The following SEMA5B variants were observed in gnomAD, a reference collection of about 807,000 sequenced individuals.
SEMA5B encodes semaphorin-5B.
A neutral mutation model predicts 135.0 loss-of-function variants in SEMA5B; 66 were observed. The observed-to-expected ratio is 0.49, with a 90% CI of 0.40 to 0.60. The LOEUF is 0.60. Among genes scored for constraint, SEMA5B ranks in the 20% least tolerant of loss-of-function variants. SEMA5B has a pLI of 0.00. For missense variants in SEMA5B, 1,501 were observed against 1,566.3 expected, an observed-to-expected ratio of 0.96 and a Z score of 0.70; for synonymous variants, 690 against 639.5, an observed-to-expected ratio of 1.08 and a Z score of -1.19.
intron 12 of SEMA5B, among the ~76,000 whole-genome samples, chr3:122,918,353 C>T (rs912987133): frequency 1.3e-5 from 2 of 152,170 alleles, no homozygotes; most frequent in Non-Finnish European, 2.9e-5. Flanking sequence ...CCTGGGCATC[C>T]TTTAAAAAGC....
intron 12 of SEMA5B, among the ~76,000 whole-genome samples, chr3:122,917,430 C>G (rs111592894): frequency 6.6e-6 from 1 of 152,124 alleles, no homozygotes; most frequent in Admixed American, 6.5e-5. Flanking sequence ...CAAGAACAAA[C>G]GAAGAGCTAA....
At chr3:122,939,386 G>A (rs768954065) in intron 5 of SEMA5B, 39 bp downstream of exon 5, 1 of 1,544,426 alleles carries the variant, frequency 6.5e-7, no homozygotes, top group Non-Finnish European at 9.0e-7. Flanking sequence ...TCTGGAATAG[G>A]GGAAATTATA....
At chr3:122,946,037 AAC>A (rs1939778678) in intron 3 of SEMA5B, among the ~76,000 whole-genome samples, 1 of 152,154 alleles carries the variant, frequency 6.6e-6, no homozygotes, top group East Asian at 1.9e-4. Context: ...CTGTCTTTAA[AAC>A]ACCAAGCACG....
At chr3:123,010,699 A>G (rs903577422) in intron 1 of SEMA5B, among the ~76,000 whole-genome samples, 6 of 150,778 alleles carry the variant, frequency 4.0e-5, no homozygotes, top group South Asian at 4.2e-4. Flanking sequence ...AGTCCCAGCT[A>G]CTCAGGAGGC....
chr3:122,985,293 G>C (rs1941664037), intron 1 of SEMA5B, among the ~76,000 whole-genome samples: 1 of 152,142 alleles, frequency 6.6e-6, no homozygotes, highest in Non-Finnish European at 1.5e-5. Flanking sequence ...AGGAGTTCAA[G>C]ACCAGCCTGG....
intron 1 of SEMA5B, among the ~76,000 whole-genome samples, chr3:122,988,901 A>G (rs544093389): frequency 4.6e-5 from 7 of 152,340 alleles, no homozygotes; most frequent in African/African-American, 9.6e-5. Flanking sequence ...GGATAAAGAA[A>G]TGAATGCAGG....
chr3:122,983,716 C>CAAAAAA (rs57975297), intron 1 of SEMA5B, among the ~76,000 whole-genome samples: 1 of 53,432 alleles, frequency 1.9e-5, no homozygotes, highest in African/African-American at 6.2e-5. Context: ...AGACTCGTCT[C>CAAAAAA]AAAAAAAAAA....
intron 7 of SEMA5B, 69 bp downstream of exon 7, chr3:122,928,448 C>A: frequency 3.1e-6 from 4 of 1,277,788 alleles, no homozygotes; most frequent in Non-Finnish European, 4.3e-6. Context: ...CCCTTCAAGG[C>A]TGTGTGCCTA....
intron 14 of SEMA5B, among the ~76,000 whole-genome samples, chr3:122,914,210 T>C (rs553493926): frequency 6.6e-6 from 1 of 152,160 alleles, no homozygotes; most frequent in Admixed American, 6.5e-5. Flanking sequence ...TTGAGAGCCT[T>C]CTTCTATATA....
At chr3:123,017,278 G>A (rs13324846) in intron 1 of SEMA5B, among the ~76,000 whole-genome samples, 37,459 of 151,714 alleles carry the variant, frequency 0.25, 9,537 homozygotes, top group African/African-American at 0.66. Flanking sequence ...GTACTTTCTA[G>A]GATTATTAAG....
At chr3:122,957,501 A>G (rs749642091) in intron 2 of SEMA5B, among the ~76,000 whole-genome samples, 1 of 152,254 alleles carries the variant, frequency 6.6e-6, no homozygotes, top group Non-Finnish European at 1.5e-5. Flanking sequence ...TCTCCAGGGT[A>G]ACCTCACACT....
chr3:123,005,384 A>C (rs59315376), intron 1 of SEMA5B, among the ~76,000 whole-genome samples: 10,195 of 152,036 alleles, frequency 0.067, 997 homozygotes, highest in African/African-American at 0.22. Flanking sequence ...TATTTAGAGA[A>C]AGGGTCTTGC....
At position 122,933,283 on chromosome 3, in the gene SEMA5B, T is replaced by C. The variant is rs1162028161; in HGVS notation, c.475-4225A>G. ...GGAAAAGGAACATGGTAGATCAATT[T>C]TTCAAATTCTTGCATGTCTGATTTA... On this transcript the variant is annotated intron_variant, in intron 5 of 22. Transcript: ENST00000357599. Among the ~76,000 whole-genome samples the C allele has an allele frequency of 1.1e-3, 162 of 152,124 alleles. 3 individuals carry two copies. Among genetic ancestry groups the C allele is most frequent in the Non-Finnish European group, 2.1e-4 (14 of 68,022 alleles).
In SEMA5B at chr3:122,978,750, G is replaced by A. The variant is rs78839761; in HGVS notation, c.-38-17449C>T. Among the ~76,000 whole-genome samples the A allele has an allele frequency of 5.5e-3, 839 of 152,272 alleles. 12 individuals are homozygous for A. Among genetic ancestry groups the A allele is most frequent in the African/African-American group, 0.019 (780 of 41,552 alleles). On this transcript the variant is annotated intron_variant, in intron 1 of 22. Transcript: ENST00000357599. ...AAGAGGCATTCATCCTCAGGGCCTT[G>A]CGTGATGGGGAGTAAATAGGTGCTC...
chr3:122,932,243 A>ATTT (rs71136597), intron 5 of SEMA5B, among the ~76,000 whole-genome samples: 20,276 of 84,714 alleles, frequency 0.24, 6,134 homozygotes, highest in Non-Finnish European at 0.31. Context: ...TCTCAATATG[A>ATTT]TTTTTTTTTT....
chr3:122,934,600 C>CATATCAACAA (rs1939158114), intron 5 of SEMA5B, among the ~76,000 whole-genome samples: 4 of 152,132 alleles, frequency 2.6e-5, no homozygotes, highest in Admixed American at 2.6e-4. Flanking sequence ...CAAATTGCAG[C>CATATCAACAA]ATATTTGAAT....
At chr3:122,959,492 T>C (rs1233920760) in intron 2 of SEMA5B, among the ~76,000 whole-genome samples, 2 of 152,238 alleles carry the variant, frequency 1.3e-5, no homozygotes, top group African/African-American at 2.4e-5. Flanking sequence ...CTCATAAACA[T>C]GGTCTATAAT....
rs59528240 is a variant in SEMA5B at position 122,969,019 on chromosome 3, G to C, written c.-38-7718C>G. ...CAGGACTTCTGGTGAAAATACATGG[G>C]TTCTGTGCTCGAATAATTTTAATTA... On this transcript the variant is annotated intron_variant, in intron 1 of 22. Coordinates refer to ENST00000357599, the MANE Select transcript of SEMA5B (RefSeq NM_001031702.4). Among the ~76,000 whole-genome samples, 683 of 152,230 alleles carry C rather than the reference G, an allele frequency of 4.5e-3. 5 individuals carry two copies. The highest frequency in any genetic ancestry group is 0.016 in the African/African-American group (654 of 41,534).
intron 3 of SEMA5B, among the ~76,000 whole-genome samples, chr3:122,946,702 C>T (rs530944215): frequency 1.4e-4 from 21 of 152,218 alleles, no homozygotes; most frequent in Non-Finnish European, 2.4e-4. Context: ...TCATTAGGTA[C>T]GCAGAGGAAA....
Sources: allele counts gnomAD v4.1 joint callset (sites outside exome capture counted in the v4.1 genomes callset), GRCh38; gene constraint gnomAD v4.1.1; transcripts MANE v1.5; gene names NCBI Gene and HGNC (gene_info 2026-07-23, HGNC 2026-07-21).